SEMA6D: variants seen among roughly 807,000 people sequenced by gnomAD.
The protein encoded by SEMA6D is semaphorin 6D.
A neutral mutation model predicts 106.6 loss-of-function variants in SEMA6D; 35 were observed. The ratio of observed to expected loss-of-function variants is 0.33; its 90% CI spans 0.25 to 0.44. The LOEUF (loss-of-function observed/expected upper bound fraction) is 0.44, where lower values mean the gene tolerates loss of function less well. Ranked by LOEUF, SEMA6D falls within the 20% of genes least tolerant of loss-of-function variation. The probability of loss-of-function intolerance (pLI) is 1.00; values close to 1 mark genes in which losing one functional copy is unlikely to be tolerated. For missense variants in SEMA6D, 1,185 were observed against 1,345.9 expected (o/e 0.88, Z 1.87); for synonymous variants, 499 against 487.7 (o/e 1.02, Z -0.31).
intron 1 of SEMA6D, among the ~76,000 whole-genome samples, chr15:47,729,530 C>G (rs1185898532): frequency 6.6e-6 from 1 of 152,156 alleles, no homozygotes; most frequent in Non-Finnish European, 1.5e-5. Context: ...GGCAGTTGGG[C>G]CATCATTTTC....
intron 1 of SEMA6D, among the ~76,000 whole-genome samples, chr15:47,336,571 C>T (rs2037565464): frequency 6.6e-6 from 1 of 152,140 alleles, no homozygotes; most frequent in Non-Finnish European, 1.5e-5. Flanking sequence ...TCGAAGGACA[C>T]TGAAACTTGA....
Position 47,771,761 on chromosome 15 carries a change from A to G in SEMA6D, c.3198A>G (p.Arg1066=). The G allele has an allele frequency of 6.2e-7, 1 of 1,613,638 alleles. No homozygotes were observed. Among genetic ancestry groups the G allele is most frequent in the Non-Finnish European group, 8.5e-7 (1 of 1,179,778 alleles). Residue 1066 remains arginine, a synonymous_variant, in exon 19 of 19, where the codon AGA becomes AGG. Transcript: ENST00000536845. ...PSFVPQTPSV[R]PLNKYTY is the part of the protein sequence containing the mutation. Reference sequence around the variant, plus strand: ...TTGTTCCTCAAACCCCATCTGTCAGACCACTGAACAAATACACATACTAGG... The same window carrying G: ...TTGTTCCTCAAACCCCATCTGTCAGGCCACTGAACAAATACACATACTAGG...
chr15:47,499,377 G>T, intron 3 of SEMA6D, among the ~76,000 whole-genome samples: 1 of 151,950 alleles, frequency 6.6e-6, no homozygotes, highest in East Asian at 1.9e-4. Context: ...TGGCTTACCC[G>T]CAAAGCCAGA....
At chr15:47,220,440 C>G (rs1323935627) in intron 1 of SEMA6D, among the ~76,000 whole-genome samples, 1 of 152,140 alleles carries the variant, frequency 6.6e-6, no homozygotes, top group Non-Finnish European at 1.5e-5. Flanking sequence ...TACCACAAGC[C>G]TTTCTACAGT....
intron 1 of SEMA6D, among the ~76,000 whole-genome samples, chr15:47,254,621 T>C (rs995889978): frequency 6.6e-6 from 1 of 152,054 alleles, no homozygotes; most frequent in African/African-American, 2.4e-5. Flanking sequence ...AGTGTTTTTA[T>C]AGTGAAAGAT....
At chr15:47,252,523 C>T (rs1031067960) in intron 1 of SEMA6D, among the ~76,000 whole-genome samples, 1 of 152,110 alleles carries the variant, frequency 6.6e-6, no homozygotes, top group Admixed American at 6.5e-5. Context: ...TTACTTTGTA[C>T]CCATTAACTT....
chr15:47,404,173 G>A (rs1045838407), intron 1 of SEMA6D, among the ~76,000 whole-genome samples: 1 of 152,106 alleles, frequency 6.6e-6, no homozygotes, highest in Admixed American at 6.5e-5. Flanking sequence ...AAATTATTCT[G>A]TTGTCGAGAT....
intron 18 of SEMA6D, among the ~76,000 whole-genome samples, chr15:47,769,241 A>G (rs1023264813): frequency 1.3e-5 from 2 of 152,144 alleles, no homozygotes; most frequent in African/African-American, 4.8e-5. Context: ...GTCCATAACT[A>G]TCATTTTCAG....
chr15:47,459,938 G>A (rs936948027), intron 2 of SEMA6D, among the ~76,000 whole-genome samples: 3 of 151,878 alleles, frequency 2.0e-5, no homozygotes, highest in African/African-American at 7.3e-5. Context: ...ATCCATTCTT[G>A]AAAATCAATT....
At chr15:47,757,700 T>A (rs1443480976) in intron 1 of SEMA6D, among the ~76,000 whole-genome samples, 1 of 152,218 alleles carries the variant, frequency 6.6e-6, no homozygotes, top group Non-Finnish European at 1.5e-5. Flanking sequence ...CTATAAGTAG[T>A]CCTTTAGTGC....
At chr15:47,354,769 T>C (rs2038497170) in intron 1 of SEMA6D, among the ~76,000 whole-genome samples, 1 of 152,016 alleles carries the variant, frequency 6.6e-6, no homozygotes, top group Non-Finnish European at 1.5e-5. Context: ...CCGACTTGCA[T>C]GGTCTACAAC....
intron 1 of SEMA6D, among the ~76,000 whole-genome samples, chr15:47,257,454 G>A (rs2033868544): frequency 6.6e-6 from 1 of 152,034 alleles, no homozygotes; most frequent in Admixed American, 6.5e-5. Context: ...TTCCCTCTCA[G>A]CACTGCTTAA....
At chr15:47,491,944 G>A (rs7167995) in intron 3 of SEMA6D, among the ~76,000 whole-genome samples, 10,641 of 152,148 alleles carry the variant, frequency 0.07, 1,076 homozygotes, top group African/African-American at 0.23. Context: ...CCTTTCTATT[G>A]TAGCTAGTTA....
intron 3 of SEMA6D, among the ~76,000 whole-genome samples, chr15:47,559,295 A>G (rs1454437138): frequency 6.6e-6 from 1 of 152,164 alleles, no homozygotes; most frequent in Non-Finnish European, 1.5e-5. Context: ...ATAAAACTGG[A>G]CAAAATCATG....
intron 1 of SEMA6D, chr15:47,730,955 G>C: frequency 4.4e-6 from 3 of 689,118 alleles, no homozygotes; most frequent in Non-Finnish European, 5.2e-6. Context: ...CGGGAGGAGA[G>C]AGCAATCTTC....
At chr15:47,637,395 A>G (rs1297350132) in intron 4 of SEMA6D, among the ~76,000 whole-genome samples, 1 of 152,128 alleles carries the variant, frequency 6.6e-6, no homozygotes, top group African/African-American at 2.4e-5. Context: ...TGGTCCATCC[A>G]CTAATCTGAC....
At chr15:47,588,207 C>G (rs1368078972) in intron 3 of SEMA6D, among the ~76,000 whole-genome samples, 2 of 152,220 alleles carry the variant, frequency 1.3e-5, no homozygotes, top group East Asian at 3.8e-4. Context: ...CCAGTCATGT[C>G]TGTCCTCTCA....
rs543138143 is a variant in SEMA6D at position 47,286,458 on chromosome 15, G to A, written c.-239+102040G>A. Among the ~76,000 whole-genome samples the A allele has an allele frequency of 1.3e-4, 20 of 152,266 alleles. 1 individual carries two copies. The South Asian group carries it at 4.1e-3, about 32-fold the overall frequency. On this transcript the variant is annotated intron_variant, in intron 1 of 19. Coordinates refer to the SEMA6D transcript ENST00000558014. ...AATAAACACATTAATATAAACATATGTAATGTATTATTGTGAAAAGTAGCT... is the reference window on the plus strand; with the variant it reads ...AATAAACACATTAATATAAACATATATAATGTATTATTGTGAAAAGTAGCT...
At chr15:47,335,384 G>A (rs1477148270) in intron 1 of SEMA6D, among the ~76,000 whole-genome samples, 1 of 152,088 alleles carries the variant, frequency 6.6e-6, no homozygotes, top group East Asian at 1.9e-4. Context: ...CAAGGAAGCA[G>A]CCAGTGTAGT....
Sources: gnomAD v4.1 joint callset for allele counts (sites outside exome capture counted in the v4.1 genomes callset) on GRCh38, gnomAD v4.1.1 for gene constraint, MANE v1.5 for transcripts, NCBI Gene and HGNC (gene_info 2026-07-23, HGNC 2026-07-21) for gene names.